Variants in CCDC171 observed in about 807,000 individuals in gnomAD.
CCDC171 encodes coiled-coil domain-containing protein 171.
In CCDC171, 177 loss-of-function variants were observed where a neutral mutation model predicts 168.2. The ratio of observed to expected loss-of-function variants is 1.05; its 90% confidence interval spans 0.93 to 1.19. The LOEUF is 1.19. Among genes scored for constraint, CCDC171 ranks in the 50% most tolerant of loss-of-function variants. CCDC171 has a pLI of 0.00. For missense variants in CCDC171, 1,991 were observed against 1,539.0 expected (o/e 1.29, Z -4.91); for synonymous variants, 687 against 540.8 (o/e 1.27, Z -3.75).
chr9:15,933,739 C>T (rs1467142421), intron 25 of CCDC171, among the ~76,000 whole-genome samples: 1 of 151,886 alleles, frequency 6.6e-6, no homozygotes, highest in Non-Finnish European at 1.5e-5. Flanking sequence ...TTTTCTTTAA[C>T]CTTTACCTTG....
chr9:15,570,123 C>G (rs567766244), intron 2 of CCDC171, among the ~76,000 whole-genome samples: 1 of 152,030 alleles, frequency 6.6e-6, no homozygotes, highest in African/African-American at 2.4e-5. Flanking sequence ...GCATGAGCCA[C>G]CACATCCAGC....
At chr9:15,773,939 C>G (rs2057153374) in intron 18 of CCDC171, among the ~76,000 whole-genome samples, 1 of 152,102 alleles carries the variant, frequency 6.6e-6, no homozygotes, top group East Asian at 1.9e-4. Context: ...TCAAACAAAT[C>G]AGCAAGAACA....
At chr9:15,912,047 A>C (rs926704795) in intron 24 of CCDC171, among the ~76,000 whole-genome samples, 1 of 152,178 alleles carries the variant, frequency 6.6e-6, no homozygotes, top group South Asian at 2.1e-4. Context: ...TTTTTGTTCC[A>C]TATGAAATTT....
intron 25 of CCDC171, among the ~76,000 whole-genome samples, chr9:15,964,384 T>C (rs1280630947): frequency 6.6e-6 from 1 of 152,190 alleles, no homozygotes; most frequent in East Asian, 1.9e-4. Context: ...ATTTATTTGG[T>C]TTTTGTGTCT....
chr9:15,564,200 T>A, intron 2 of CCDC171, 71 bp downstream of exon 2: 3 of 1,136,658 alleles, frequency 2.6e-6, no homozygotes, highest in South Asian at 2.7e-5. Context: ...AGTCAGTGGT[T>A]GTAGAGCTAA....
At chr9:15,655,720 A>T (rs2047876419) in intron 7 of CCDC171, among the ~76,000 whole-genome samples, 1 of 152,234 alleles carries the variant, frequency 6.6e-6, no homozygotes, top group Non-Finnish European at 1.5e-5. Context: ...ATACGAAAAT[A>T]AACAGCTCAA....
intron 16 of CCDC171, among the ~76,000 whole-genome samples, chr9:15,736,627 C>G (rs946423002): frequency 1.3e-5 from 2 of 151,732 alleles, no homozygotes; most frequent in African/African-American, 4.9e-5. Context: ...GTTGGAATTA[C>G]AAATGTGAGC....
intron 6 of CCDC171, among the ~76,000 whole-genome samples, chr9:15,605,416 A>G (rs2043144894): frequency 6.6e-6 from 1 of 150,990 alleles, no homozygotes; most frequent in Non-Finnish European, 1.5e-5. Context: ...AGAGTGGCTC[A>G]TGCTTGTAAT....
chr9:15,857,667 C>T (rs1028316255), intron 23 of CCDC171, among the ~76,000 whole-genome samples: 1 of 151,826 alleles, frequency 6.6e-6, no homozygotes, highest in Non-Finnish European at 1.5e-5. Context: ...AAGTTATCCA[C>T]CCCACCTCGG....
rs1027969799 is a variant in CCDC171 at position 15,837,383 on chromosome 9, C to G, written c.3268-9319C>G. Among the ~76,000 whole-genome samples, 3 of 152,234 alleles carry G rather than the reference C, an allele frequency of 2.0e-5. 1 individual carries two copies. The highest frequency in any genetic ancestry group is 2.0e-4 in the Admixed American group (3 of 15,290). On this transcript the variant is annotated intron_variant, in intron 21 of 25. Coordinates refer to ENST00000380701, the MANE Select transcript of CCDC171 (RefSeq NM_173550.4). Reference sequence around the variant, plus strand: ...AATTATACTAATTTTATAGCAAGCTCTTTGTAACCAAAATGGTACTATTTA... The same window carrying G: ...AATTATACTAATTTTATAGCAAGCTGTTTGTAACCAAAATGGTACTATTTA...
At chr9:15,967,227 G>A (rs2132730427) in intron 25 of CCDC171, among the ~76,000 whole-genome samples, 2 of 152,294 alleles carry the variant, frequency 1.3e-5, no homozygotes, top group Non-Finnish European at 2.9e-5. Flanking sequence ...GAAATGGCAA[G>A]GGAGCCTCAC....
At chr9:15,778,909 T>C in intron 19 of CCDC171, 59 bp from the exon 20 acceptor site, 1 of 1,183,474 alleles carries the variant, frequency 8.4e-7, no homozygotes, top group East Asian at 2.7e-5. Flanking sequence ...AAAATGGTTA[T>C]TGCTATTGTT....
chr9:15,856,227 G>T (rs1294568741), intron 23 of CCDC171, among the ~76,000 whole-genome samples: 1 of 151,870 alleles, frequency 6.6e-6, no homozygotes, highest in Non-Finnish European at 1.5e-5. Context: ...TTTTTCGTAT[G>T]CAATACAATA....
At chr9:15,923,941 G>T (rs1825621042) in intron 25 of CCDC171, among the ~76,000 whole-genome samples, 1 of 151,214 alleles carries the variant, frequency 6.6e-6, no homozygotes, top group African/African-American at 2.4e-5. Flanking sequence ...CAGTGAGAAG[G>T]ATGGGATAGC....
chr9:15,807,052 G>A (rs2059114491), intron 21 of CCDC171, among the ~76,000 whole-genome samples: 1 of 152,122 alleles, frequency 6.6e-6, no homozygotes, highest in Admixed American at 6.6e-5. Flanking sequence ...CTTGTAGTGT[G>A]TTTTTCCCCT....
At chr9:15,585,840 G>T (rs188734743) in intron 4 of CCDC171, among the ~76,000 whole-genome samples, 377 of 152,174 alleles carry the variant, frequency 2.5e-3, no homozygotes, top group African/African-American at 8.9e-3. Flanking sequence ...GCCAGGCATG[G>T]TAGTGCACGC....
At chr9:16,008,119 T>C (rs1832759701) in intron 3 of CCDC171, among the ~76,000 whole-genome samples, 1 of 152,178 alleles carries the variant, frequency 6.6e-6, no homozygotes, top group Non-Finnish European at 1.5e-5. Context: ...TCATATTTAA[T>C]ACTTTTGGTG....
chr9:15,708,179 A>G (rs1041628713), intron 11 of CCDC171, among the ~76,000 whole-genome samples: 5 of 152,238 alleles, frequency 3.3e-5, no homozygotes, highest in African/African-American at 1.2e-4. Flanking sequence ...CTTCGTGCCT[A>G]TGTTGTTATT....
chr9:15,555,781 C>A (rs1014901623), intron 1 of CCDC171, among the ~76,000 whole-genome samples: 2 of 152,098 alleles, frequency 1.3e-5, no homozygotes, highest in Middle Eastern at 3.2e-3. Flanking sequence ...TGTGCTGCAC[C>A]TGTTAACTCG....
Sources: allele counts gnomAD v4.1 joint callset (sites outside exome capture counted in the v4.1 genomes callset), GRCh38; gene constraint gnomAD v4.1.1; transcripts MANE v1.5; gene names NCBI Gene and HGNC (gene_info 2026-07-23, HGNC 2026-07-21).